The following BDKRB2 variants were observed in gnomAD, a reference collection of about 807,000 sequenced individuals.
BDKRB2 encodes B2 bradykinin receptor.
Under a neutral mutation model 4.0 loss-of-function variants are expected in BDKRB2, and 6 were observed. That is an observed-to-expected ratio of 1.49 (90% CI 0.81 to 2.93). The LOEUF (loss-of-function observed/expected upper bound fraction) is 2.93. BDKRB2 is among the 30% of genes most tolerant of loss of function. The pLI, the probability that BDKRB2 is intolerant of heterozygous loss-of-function variation, is 0.00. For synonymous variants in BDKRB2, 225 were observed against 215.3 expected, an observed-to-expected ratio of 1.05 and a Z score of -0.40; for missense variants, 478 against 520.1, an observed-to-expected ratio of 0.92 and a Z score of 0.79.
At chr14:96,231,056 C>T (rs1890808061) in intron 1 of BDKRB2, among the ~76,000 whole-genome samples, 1 of 152,118 alleles carries the variant, frequency 6.6e-6, no homozygotes, top group Non-Finnish European at 1.5e-5. Context: ...ACAAAACACA[C>T]TGAGCAGAAT....
chr14:96,240,014 AGGCTCAAAG>A (rs1885229566), intron 2 of BDKRB2: 1 of 1,006,936 alleles, frequency 9.9e-7, no homozygotes, highest in African/African-American at 1.7e-5. Flanking sequence ...CGGCTTTGAG[AGGCTCAAAG>A]GTGACCAACT....
At position 96,232,123 on chromosome 14, in the gene BDKRB2, C is replaced by T. The variant is rs117113042; in HGVS notation, c.-39-4946C>T. Among the ~76,000 whole-genome samples the T allele has an allele frequency of 1.5e-4, 23 of 152,292 alleles. No individual in the cohort carries two copies. In the East Asian group the frequency reaches 3.1e-3, roughly 20 times the overall value. ...CAGCCCCTGGTGTAGCTAAAGCAGA[C>T]GGGCCTCCTGGGCTGGTGCAGGAAG... On this transcript the variant is annotated intron_variant, in intron 1 of 2. Transcript: ENST00000554311.
At chr14:96,217,991 A>G (rs1054730269) in intron 1 of BDKRB2, among the ~76,000 whole-genome samples, 1 of 152,038 alleles carries the variant, frequency 6.6e-6, no homozygotes, top group Admixed American at 6.5e-5. Context: ...GTGAGATGGG[A>G]TAAATCACTT....
Position 96,243,961 on chromosome 14 carries a change from C to G in BDKRB2, c.*2457C>G. On this transcript the variant is annotated 3_prime_UTR_variant, in exon 3 of 3. Transcript: ENST00000554311. The stretch of plus-strand genomic sequence containing the variant: ...CTGCCGCAATGGCCATGTGGGGATC[C>G]ACACCTGGTCTGAGGGGCAACTGAG... The G allele has an allele frequency of 2.6e-6, 1 of 382,464 alleles. No individual in the cohort carries two copies. Among genetic ancestry groups the G allele is most frequent in the Non-Finnish European group, 4.6e-6 (1 of 216,672 alleles). The allele number at this position is 382,464 out of a possible 1,614,324, so 23.7% of individuals were successfully genotyped here.
At chr14:96,232,427 A>T (rs1464811877) in intron 1 of BDKRB2, among the ~76,000 whole-genome samples, 2 of 152,192 alleles carry the variant, frequency 1.3e-5, no homozygotes, top group African/African-American at 4.8e-5. Flanking sequence ...TGTGTTTCCC[A>T]CACTTAGCCA....
chr14:96,216,446 G>A (rs61982608), intron 1 of BDKRB2, among the ~76,000 whole-genome samples: 44,251 of 151,414 alleles, frequency 0.29, 6,585 homozygotes, highest in South Asian at 0.44. Flanking sequence ...GCCTGGGCAA[G>A]ATCCCATCTT....
intron 1 of BDKRB2, among the ~76,000 whole-genome samples, chr14:96,227,736 G>C (rs971125833): frequency 3.3e-5 from 5 of 152,128 alleles, no homozygotes; most frequent in African/African-American, 1.2e-4. Flanking sequence ...TGCACACTGT[G>C]GCTACTCCTC....
Position 96,241,397 on chromosome 14 carries a change from A to G in BDKRB2, c.1069A>G (p.Arg357Gly). 6.2e-7 allele frequency: 1 copy of G among 1,612,128 alleles called. No individual in the cohort carries two copies. Among genetic ancestry groups the G allele is most frequent in the South Asian group, 1.1e-5 (1 of 91,040 alleles). Residue 357 changes from arginine to glycine, a missense_variant, in exon 3 of 3, where the codon AGG becomes GGG. Coordinates refer to ENST00000554311, the MANE Select transcript of BDKRB2 (RefSeq NM_001379692.1). ...YQGVCQKGGCRSEPIQMENSM... is the reference protein window; with the variant it reads ...YQGVCQKGGCGSEPIQMENSM... ...GGGAGTGTGCCAGAAAGGGGGCTGC[A>G]GGTCAGAACCCATTCAGATGGAGAA...
In BDKRB2 at chr14:96,240,597, C is replaced by G. The variant is rs201448595; in HGVS notation, c.269C>G (p.Thr90Arg). Residue 90 changes from threonine (T) to arginine (R), a missense_variant, in exon 3 of 3, where the codon ACG becomes AGG. Coordinates refer to ENST00000554311, the MANE Select transcript of BDKRB2 (RefSeq NM_001379692.1). The part of the protein sequence containing the change: ...SVFCLHKSSC[T>R]VAEIYLGNLA... ...TTCTGCCTGCACAAGAGCAGCTGCA[C>G]GGTGGCAGAGATCTACCTGGGGAAC... is the stretch of plus-strand genomic sequence containing the variant. The G allele has an allele frequency of 6.4e-7, 1 of 1,551,206 alleles. No individual in the cohort carries two copies. Among genetic ancestry groups the G allele is most frequent in the South Asian group, 1.3e-5 (1 of 79,530 alleles).
At position 96,240,967 on chromosome 14, in the gene BDKRB2, C is replaced by T. The variant is rs201148125; in HGVS notation, c.639C>T (p.Ile213=). Residue 213 remains isoleucine (I), a synonymous_variant, in exon 3 of 3, where the codon ATC becomes ATT. Coordinates refer to ENST00000554311, the MANE Select transcript of BDKRB2 (RefSeq NM_001379692.1). Reference sequence around the variant, plus strand: ...GCCACAACGTCACCGCTTGTGTCATCAGCTACCCATCCCTCATCTGGGAAG... The same window carrying T: ...GCCACAACGTCACCGCTTGTGTCATTAGCTACCCATCCCTCATCTGGGAAG... ...DEGHNVTACV[I]SYPSLIWEVF... 3.7e-5 allele frequency: 59 copies of T among 1,593,754 alleles called. No individual in the cohort carries two copies. The highest frequency in any genetic ancestry group is 1.5e-4 in the African/African-American group (11 of 74,814).
chr14:96,238,074 C>A (rs1890979416), intron 2 of BDKRB2: 2 of 1,065,286 alleles, frequency 1.9e-6, no homozygotes, highest in South Asian at 5.8e-5. Context: ...AAGGAGGCTG[C>A]AAGTTTTCAT....
chr14:96,220,814 G>A (rs369647711), intron 1 of BDKRB2, among the ~76,000 whole-genome samples: 10 of 152,116 alleles, frequency 6.6e-5, no homozygotes, highest in African/African-American at 2.4e-4. Flanking sequence ...ATCTATACTT[G>A]AGAGCGTATA....
chr14:96,227,387 C>G (rs1167403093), intron 1 of BDKRB2, among the ~76,000 whole-genome samples: 2 of 152,208 alleles, frequency 1.3e-5, no homozygotes, highest in Non-Finnish European at 2.9e-5. Flanking sequence ...AGTTAAGCCA[C>G]TTGTCCAAGG....
chr14:96,231,390 C>T (rs1470702989), intron 1 of BDKRB2, among the ~76,000 whole-genome samples: 1 of 152,182 alleles, frequency 6.6e-6, no homozygotes, highest in African/African-American at 2.4e-5. Context: ...ACAGCTTTGG[C>T]CTTCTTTTCA....
chr14:96,207,587 C>T (rs1890217249), intron 1 of BDKRB2, among the ~76,000 whole-genome samples: 1 of 151,970 alleles, frequency 6.6e-6, no homozygotes, highest in African/African-American at 2.4e-5. Context: ...AAGAGTGAAC[C>T]CTGATGAAAA....
intron 1 of BDKRB2, 138 bp from the exon 2 acceptor site, chr14:96,236,931 C>T (rs766897741): frequency 1.7e-5 from 11 of 632,038 alleles, no homozygotes; most frequent in East Asian, 2.7e-5. Flanking sequence ...TCCCTAGCAC[C>T]GCTGTGTGGG....
chr14:96,230,620 GTTT>G (rs35987165), intron 1 of BDKRB2, among the ~76,000 whole-genome samples: 14 of 136,642 alleles, frequency 1.0e-4, no homozygotes, highest in South Asian at 2.3e-4. Context: ...CTTTGCTGTA[GTTT>G]TTTTTTTTTT....
Position 96,241,749 on chromosome 14 carries a change from T to TGA in BDKRB2, c.*245_*246insGA. ...ATCACAACAGCATTACTGTTCTTATTTGCTGCCACACCTGAGCCAGCCTGC... is the reference window on the plus strand; with the variant it reads ...ATCACAACAGCATTACTGTTCTTATTGATGCTGCCACACCTGAGCCAGCCTGC... On this transcript the variant is annotated 3_prime_UTR_variant, in exon 3 of 3. Coordinates refer to ENST00000554311, the MANE Select transcript of BDKRB2 (RefSeq NM_001379692.1). The TGA allele has an allele frequency of 1.7e-5, 8 of 463,142 alleles. No homozygotes were observed. Among genetic ancestry groups the TGA allele is most frequent in the South Asian group, 7.9e-5 (1 of 12,690 alleles). 28.7% of individuals were successfully genotyped at this position (463,142 alleles called of 1,614,324 possible).
Position 96,240,739 on chromosome 14 carries a change from C to A in BDKRB2, c.411C>A (p.Ile137=). The A allele has an allele frequency of 6.3e-7, 1 of 1,594,272 alleles. No homozygotes were observed. The highest frequency in any genetic ancestry group is 8.5e-7 in the Non-Finnish European group (1 of 1,171,330). ...ETLCRVVNAI[I]SMNLYSSICF... ...TCTGCCGCGTGGTGAATGCCATTAT[C>A]TCCATGAACCTGTACAGCAGCATCT... The change falls in exon 3 of 3, where the codon ATC becomes ATA. Residue 137 remains isoleucine, a synonymous_variant. Coordinates refer to ENST00000554311, the MANE Select transcript of BDKRB2 (RefSeq NM_001379692.1).
Sources: allele counts gnomAD v4.1 joint callset (sites outside exome capture counted in the v4.1 genomes callset), GRCh38; gene constraint gnomAD v4.1.1; transcripts MANE v1.5; gene names NCBI Gene and HGNC (gene_info 2026-07-23, HGNC 2026-07-21).